The following KDM3B variants were observed in gnomAD, a reference collection of about 807,000 sequenced individuals.
KDM3B encodes the protein lysine demethylase 3B.
Under a neutral mutation model 170.0 loss-of-function variants are expected in KDM3B, and 10 were observed. That is an observed-to-expected ratio of 0.06 (90% confidence interval 0.04 to 0.10). The LOEUF is 0.10. Ranked by LOEUF, KDM3B falls within the 10% of genes least tolerant of loss-of-function variation. The pLI is 1.00. For synonymous variants in KDM3B, 831 were observed against 834.8 expected (o/e 1.00, Z 0.08); for missense variants, 1,394 against 2,195.2 (o/e 0.64, Z 7.29).
intron 1 of KDM3B, among the ~76,000 whole-genome samples, chr5:138,354,087 T>C (rs1761395359): frequency 6.6e-6 from 1 of 152,188 alleles, no homozygotes; most frequent in South Asian, 2.1e-4. Flanking sequence ...GGAAGTAATG[T>C]TGTAGGCTTC....
intron 7 of KDM3B, among the ~76,000 whole-genome samples, chr5:138,388,665 G>T (rs1315073321): frequency 3.6e-5 from 4 of 112,418 alleles, no homozygotes; most frequent in Non-Finnish European, 5.6e-5. Context: ...AAAAAAAAAA[G>T]GCTGGGCTTG....
chr5:138,363,510 A>G (rs17171808), intron 1 of KDM3B, among the ~76,000 whole-genome samples: 38,872 of 152,118 alleles, frequency 0.26, 5,623 homozygotes, highest in East Asian at 0.56. Flanking sequence ...CTAAAGTAAT[A>G]CATGCCTATT....
intron 21 of KDM3B, 86 bp from the exon 22 acceptor site, chr5:138,430,163 C>A: frequency 6.8e-7 from 1 of 1,467,582 alleles, no homozygotes; most frequent in Admixed American, 2.0e-5. Context: ...ATCCCCACCC[C>A]ATCTTAGGAC....
intron 20 of KDM3B, 22 bp downstream of exon 20, chr5:138,428,108 G>C: frequency 1.2e-6 from 2 of 1,610,506 alleles, no homozygotes; most frequent in Non-Finnish European, 1.7e-6. Flanking sequence ...AGAATCCACT[G>C]CTTTAGGATG....
At position 138,365,457 on chromosome 5, in the gene KDM3B, C is replaced by A. The variant is rs183790614; in HGVS notation, c.193-7217C>A. On this transcript the variant is annotated intron_variant, in intron 1 of 23. Coordinates refer to ENST00000314358, the MANE Select transcript of KDM3B (RefSeq NM_016604.4). Reference sequence around the variant, plus strand: ...ATTTTTAGTAGAGATGGGGTTTCACCCTGTTGGCCAGGCTGGTCTCAAACT... The same window carrying A: ...ATTTTTAGTAGAGATGGGGTTTCACACTGTTGGCCAGGCTGGTCTCAAACT... 5.3e-3 allele frequency among the ~76,000 whole-genome samples: 798 copies of A among 151,824 alleles called. 8 individuals carry two copies. Among genetic ancestry groups the A allele is most frequent in the Non-Finnish European group, 6.4e-3 (438 of 67,920 alleles).
At chr5:138,387,787 A>G (rs1197882304) in intron 7 of KDM3B, among the ~76,000 whole-genome samples, 1 of 152,192 alleles carries the variant, frequency 6.6e-6, no homozygotes, top group Non-Finnish European at 1.5e-5. Flanking sequence ...TTATTTAAAA[A>G]CAACTCCATG....
chr5:138,405,532 A>G (rs955493758), intron 11 of KDM3B, among the ~76,000 whole-genome samples: 38 of 152,066 alleles, frequency 2.5e-4, no homozygotes, highest in Admixed American at 1.6e-3. Context: ...ACGAGTGACC[A>G]TTCTAGCAGC....
At chr5:138,399,452 G>T (rs975471657) in intron 10 of KDM3B, among the ~76,000 whole-genome samples, 1 of 151,684 alleles carries the variant, frequency 6.6e-6, no homozygotes, top group African/African-American at 2.4e-5. Context: ...GCAGGTGAAT[G>T]GTATGAACCC....
intron 23 of KDM3B, among the ~76,000 whole-genome samples, chr5:138,434,420 C>T (rs915068418): frequency 2.0e-5 from 3 of 151,840 alleles, no homozygotes; most frequent in Non-Finnish European, 2.9e-5. Flanking sequence ...TGGTGGTGGG[C>T]GCCTGTAGTC....
At position 138,429,953 on chromosome 5, in the gene KDM3B, G is replaced by A. The variant is rs139053204; in HGVS notation, c.4881G>A (p.Glu1627=). 13 of 1,614,196 alleles carry A rather than the reference G, an allele frequency of 8.1e-6. No homozygotes were observed. The highest frequency in any genetic ancestry group is 1.1e-5 in the Non-Finnish European group (13 of 1,180,030). The part of the protein sequence containing the change: ...YAAKDAEKIR[E]LLRKVGEEQG... The stretch of plus-strand genomic sequence containing the variant: ...CCAAGGATGCAGAGAAGATCCGGGA[G>A]CTGCTCCGAAAGGTACGCCCCTGGG... The change falls in exon 21 of 24, where the codon GAG becomes GAA. Residue 1627 remains glutamate, a synonymous_variant. Coordinates refer to ENST00000314358, the MANE Select transcript of KDM3B (RefSeq NM_016604.4).
chr5:138,430,532 C>T (rs1763503595), intron 22 of KDM3B, 107 bp downstream of exon 22: 3 of 965,786 alleles, frequency 3.1e-6, no homozygotes, highest in South Asian at 1.9e-5. Flanking sequence ...GGACTGATCT[C>T]TCTTATGCTG....
chr5:138,412,465 G>A lies in KDM3B; in HGVS notation c.3200-2667G>A, dbSNP rs187143197. Among the ~76,000 whole-genome samples, 609 of 152,154 alleles carry A rather than the reference G, an allele frequency of 4.0e-3. 2 individuals are homozygous for A. The highest frequency in any genetic ancestry group is 7.0e-3 in the Non-Finnish European group (475 of 67,992). On this transcript the variant is annotated intron_variant, in intron 11 of 23. Coordinates refer to ENST00000314358, the MANE Select transcript of KDM3B (RefSeq NM_016604.4). ...GCCCAGGAGTTCAAGACCAGCCTAGGCAACACGGAGACCTCATCTCTACAA... is the reference window on the plus strand; with the variant it reads ...GCCCAGGAGTTCAAGACCAGCCTAGACAACACGGAGACCTCATCTCTACAA...
intron 11 of KDM3B, among the ~76,000 whole-genome samples, chr5:138,405,617 T>C (rs974454823): frequency 6.6e-6 from 1 of 152,166 alleles, no homozygotes; most frequent in Admixed American, 6.5e-5. Context: ...AAGGTAGTTA[T>C]TCAGGCAGAA....
At chr5:138,366,748 G>A (rs1254558561) in intron 1 of KDM3B, among the ~76,000 whole-genome samples, 1 of 152,216 alleles carries the variant, frequency 6.6e-6, no homozygotes, top group African/African-American at 2.4e-5. Context: ...AACTAGACTT[G>A]TGAGAAACAG....
At chr5:138,372,562 G>C in intron 1 of KDM3B, 112 bp from the exon 2 acceptor site, 1 of 910,540 alleles carries the variant, frequency 1.1e-6, no homozygotes, top group Non-Finnish European at 1.7e-6. Context: ...TTAAACACAA[G>C]TTAGAATTAT....
chr5:138,427,866 C>G lies in KDM3B; in HGVS notation c.4634-101C>G, dbSNP rs1010766679. ...AATAGACTTCACTCTCCTAATTTTA[C>G]TCATTTAACAACACCCTTGAGCATG... On this transcript the variant is annotated intron_variant, in intron 19 of 23. Transcript: ENST00000314358. The G allele has an allele frequency of 4.6e-5, 48 of 1,052,268 alleles. No individual in the cohort carries two copies. In the African/African-American group the frequency reaches 7.5e-4, roughly 16 times the overall value. 65.2% of individuals were successfully genotyped at this position (1,052,268 alleles called of 1,614,324 possible).
chr5:138,401,230 C>CAGAGCAAG (rs1328907534), intron 11 of KDM3B, among the ~76,000 whole-genome samples: 10 of 146,408 alleles, frequency 6.8e-5, no homozygotes, highest in African/African-American at 2.3e-4. Context: ...GAGATCACGC[C>CAGAGCAAG]ACTGTACTCC....
intron 9 of KDM3B, among the ~76,000 whole-genome samples, chr5:138,394,216 T>C (rs1359390983): frequency 1.3e-5 from 2 of 151,812 alleles, no homozygotes; most frequent in Non-Finnish European, 2.9e-5. Context: ...CTACAGAAAA[T>C]TTTAAAAATT....
chr5:138,420,033 G>T (rs1291759818), intron 14 of KDM3B, among the ~76,000 whole-genome samples: 1 of 152,096 alleles, frequency 6.6e-6, no homozygotes, highest in Non-Finnish European at 1.5e-5. Context: ...TTACAGGCAT[G>T]TGCCACCACG....
Sources: allele counts gnomAD v4.1 joint callset (sites outside exome capture counted in the v4.1 genomes callset), GRCh38; gene constraint gnomAD v4.1.1; transcripts MANE v1.5; gene names NCBI Gene and HGNC (gene_info 2026-07-23, HGNC 2026-07-21).